The following CNTNAP2 variants were observed in gnomAD, a reference collection of about 807,000 sequenced individuals.
The protein encoded by CNTNAP2 is contactin associated protein 2.
CNTNAP2 carries 98 observed loss-of-function variants against 155.2 expected under a neutral mutation model. The observed-to-expected ratio is 0.63, with a 90% CI of 0.54 to 0.75. The LOEUF (loss-of-function observed/expected upper bound fraction) is 0.75. Ranked by LOEUF, CNTNAP2 falls within the 30% of genes least tolerant of loss-of-function variation. The pLI is 0.00. For missense variants in CNTNAP2, 1,727 were observed against 1,688.1 expected (o/e 1.02, Z -0.40); for synonymous variants, 651 against 631.2 (o/e 1.03, Z -0.47).
Position 147,162,220 on chromosome 7 carries a change from C to CTTAT in CNTNAP2, c.1348+29715_1348+29718dup, listed in dbSNP as rs199739359. The CTTAT allele has an allele frequency of 3.6e-4, 55 of 152,294 alleles. No homozygotes were observed. The East Asian group carries it at 9.8e-3, about 27-fold the overall frequency. 9.4% of individuals were successfully genotyped at this position (152,294 alleles called of 1,614,324 possible). A position where few individuals can be genotyped will look rare whatever the true frequency, so the allele number is the denominator to read the frequency against. On this transcript the variant is annotated intron_variant, in intron 8 of 23. Coordinates refer to ENST00000361727, the MANE Select transcript of CNTNAP2 (RefSeq NM_014141.6). ...GTCTACTAAATGGTCCACCAGTATT[C>CTTAT]TTATTTAGCTTAGTGTTTATGTGAC...
At chr7:148,040,124 CT>C (rs1402746377) in intron 15 of CNTNAP2, among the ~76,000 whole-genome samples, 2 of 152,126 alleles carry the variant, frequency 1.3e-5, no homozygotes, top group Non-Finnish European at 2.9e-5. Flanking sequence ...ACTTGTTGCC[CT>C]TTAAATTCAC....
chr7:146,352,026 G>A (rs1794922259), intron 1 of CNTNAP2, among the ~76,000 whole-genome samples: 1 of 152,146 alleles, frequency 6.6e-6, no homozygotes, highest in Admixed American at 6.5e-5. Flanking sequence ...AAGACTTCAA[G>A]GGTTAAGTAC....
chr7:146,574,271 T>C (rs180890040), intron 1 of CNTNAP2, among the ~76,000 whole-genome samples: 1 of 152,350 alleles, frequency 6.6e-6, no homozygotes, highest in African/African-American at 2.4e-5. Flanking sequence ...TGTATTGGTT[T>C]TTGTTTTGTT....
intron 1 of CNTNAP2, among the ~76,000 whole-genome samples, chr7:146,743,377 A>G (rs1801752846): frequency 6.6e-6 from 1 of 152,098 alleles, no homozygotes; most frequent in Admixed American, 6.5e-5. Context: ...TGAGGTTGAC[A>G]CCATGGAGTT....
chr7:147,615,463 A>G (rs1413615985), intron 12 of CNTNAP2, among the ~76,000 whole-genome samples: 3 of 151,512 alleles, frequency 2.0e-5, no homozygotes, highest in Non-Finnish European at 4.4e-5. Flanking sequence ...AAAGAATGCA[A>G]GAAGATATAA....
intron 8 of CNTNAP2, among the ~76,000 whole-genome samples, chr7:147,209,890 C>T (rs1266852836): frequency 6.6e-6 from 1 of 151,858 alleles, no homozygotes; most frequent in Non-Finnish European, 1.5e-5. Flanking sequence ...TCACATTTAT[C>T]GACTTGTGTA....
At chr7:146,765,525 A>C (rs977244911) in intron 1 of CNTNAP2, among the ~76,000 whole-genome samples, 3 of 152,310 alleles carry the variant, frequency 2.0e-5, no homozygotes, top group Non-Finnish European at 4.4e-5. Context: ...TCATTGATTC[A>C]ACAGCTCTCT....
At chr7:146,458,008 G>A (rs1039757935) in intron 1 of CNTNAP2, among the ~76,000 whole-genome samples, 1 of 152,122 alleles carries the variant, frequency 6.6e-6, no homozygotes, top group African/African-American at 2.4e-5. Context: ...TTGCAGGGAC[G>A]TGAATGGAGC....
chr7:146,626,703 A>G (rs1490908337), intron 1 of CNTNAP2, among the ~76,000 whole-genome samples: 1 of 152,196 alleles, frequency 6.6e-6, no homozygotes, highest in Non-Finnish European at 1.5e-5. Flanking sequence ...GTAAAAAGAT[A>G]CAAAAGAAAA....
chr7:146,983,244 G>A (rs185775435), intron 3 of CNTNAP2, among the ~76,000 whole-genome samples: 1 of 152,280 alleles, frequency 6.6e-6, no homozygotes, highest in Admixed American at 6.5e-5. Context: ...GGAAGTGGGA[G>A]TGTGAAGCCT....
chr7:148,186,975 C>G (rs1217551391), intron 18 of CNTNAP2, among the ~76,000 whole-genome samples: 2 of 152,100 alleles, frequency 1.3e-5, no homozygotes, highest in Non-Finnish European at 2.9e-5. Context: ...CACAGCTTGC[C>G]CTGTGTGTCC....
chr7:147,919,180 G>C (rs1045993032), intron 14 of CNTNAP2, among the ~76,000 whole-genome samples: 2 of 152,086 alleles, frequency 1.3e-5, no homozygotes, highest in African/African-American at 4.8e-5. Flanking sequence ...GACTCTCACA[G>C]AGGCTCCAGA....
chr7:148,325,119 G>A (rs1267588835), intron 21 of CNTNAP2, among the ~76,000 whole-genome samples: 1 of 152,168 alleles, frequency 6.6e-6, no homozygotes. Flanking sequence ...TCTCAAGCAA[G>A]GCCATTCTTG....
intron 1 of CNTNAP2, among the ~76,000 whole-genome samples, chr7:146,662,053 T>C (rs1800099193): frequency 1.3e-5 from 2 of 152,218 alleles, no homozygotes; most frequent in African/African-American, 4.8e-5. Context: ...TGGTCAATGA[T>C]GCCGAACATT....
intron 2 of CNTNAP2, among the ~76,000 whole-genome samples, chr7:146,828,833 A>G (rs1024131465): frequency 9.2e-5 from 14 of 152,210 alleles, no homozygotes; most frequent in African/African-American, 3.1e-4. Flanking sequence ...ATGTAAAACA[A>G]TGTGTTTAAA....
chr7:147,157,199 T>A (rs1482729147), intron 8 of CNTNAP2, among the ~76,000 whole-genome samples: 1 of 152,096 alleles, frequency 6.6e-6, no homozygotes, highest in Non-Finnish European at 1.5e-5. Flanking sequence ...CAAAATATAC[T>A]GAATGCATGA....
chr7:146,308,545 A>C (rs1421769630), intron 1 of CNTNAP2, among the ~76,000 whole-genome samples: 7 of 152,168 alleles, frequency 4.6e-5, no homozygotes, highest in Non-Finnish European at 8.8e-5. Flanking sequence ...TTATTGCGGC[A>C]CTATTCACAA....
intron 8 of CNTNAP2, among the ~76,000 whole-genome samples, chr7:147,170,409 C>T (rs1802202807): frequency 6.6e-6 from 1 of 152,112 alleles, no homozygotes; most frequent in Admixed American, 6.5e-5. Context: ...ATCACCGGCA[C>T]TGTGCCGTGG....
intron 14 of CNTNAP2, among the ~76,000 whole-genome samples, chr7:147,911,088 C>T (rs185751321): frequency 1.5e-4 from 22 of 150,222 alleles, no homozygotes; most frequent in South Asian, 6.9e-4. Flanking sequence ...AAAACTGAAA[C>T]GCTATACCCA....
Sources: gnomAD v4.1 joint callset for allele counts (sites outside exome capture counted in the v4.1 genomes callset) on GRCh38, gnomAD v4.1.1 for gene constraint, MANE v1.5 for transcripts, NCBI Gene and HGNC (gene_info 2026-07-23, HGNC 2026-07-21) for gene names.